Variants in MTIF2 observed in about 807,000 individuals in gnomAD.
The protein encoded by MTIF2 is translation initiation factor IF-2, mitochondrial.
Under a neutral mutation model 83.5 loss-of-function variants are expected in MTIF2, and 71 were observed. The ratio of observed to expected loss-of-function variants is 0.85; its 90% CI spans 0.70 to 1.04. The LOEUF is 1.04. Among genes scored for constraint, MTIF2 ranks in the 50% least tolerant of loss-of-function variants. The pLI is 0.00. For missense variants in MTIF2, 957 were observed against 846.5 expected, an observed-to-expected ratio of 1.13 and a Z score of -1.62; for synonymous variants, 319 against 287.1, an observed-to-expected ratio of 1.11 and a Z score of -1.12.
intron 5 of MTIF2, among the ~76,000 whole-genome samples, chr2:55,255,891 T>C (rs572239914): frequency 1.7e-4 from 23 of 131,524 alleles, no homozygotes; most frequent in African/African-American, 1.0e-3. Context: ...TCTCTTTTTT[T>C]TTGGGACAGA....
intron 5 of MTIF2, among the ~76,000 whole-genome samples, chr2:55,261,251 G>A (rs1007762336): frequency 4.6e-5 from 7 of 152,248 alleles, no homozygotes; most frequent in Middle Eastern, 6.8e-3. Context: ...AATTACAGGC[G>A]TGAGCCACCG....
chr2:55,240,476 G>C (rs993134397), intron 13 of MTIF2, among the ~76,000 whole-genome samples: 4 of 152,202 alleles, frequency 2.6e-5, no homozygotes, highest in African/African-American at 9.6e-5. Context: ...CTACTCAGGA[G>C]GCCGAGACAG....
chr2:55,255,349 T>C (rs1046482178), intron 5 of MTIF2, among the ~76,000 whole-genome samples: 1 of 148,484 alleles, frequency 6.7e-6, no homozygotes, highest in African/African-American at 2.5e-5. Context: ...ATAATTTTGT[T>C]TTATGCATTT....
chr2:55,237,909 T>C (rs932733206), intron 14 of MTIF2, among the ~76,000 whole-genome samples: 1 of 152,012 alleles, frequency 6.6e-6, no homozygotes, highest in Admixed American at 6.6e-5. Flanking sequence ...CCTCAGACTC[T>C]CAAAGTGCTG....
intron 13 of MTIF2, 96 bp from the exon 14 acceptor site, chr2:55,240,271 A>AT: frequency 8.4e-7 from 1 of 1,188,898 alleles, no homozygotes; most frequent in East Asian, 2.5e-5. Context: ...AAATTGTTTT[A>AT]TTTTCTAAAT....
chr2:55,263,924 G>T, intron 3 of MTIF2, 59 bp from the exon 4 acceptor site: 2 of 1,294,798 alleles, frequency 1.5e-6, no homozygotes, highest in South Asian at 1.2e-5. Context: ...AATATTAATT[G>T]GATATTTACT....
chr2:55,247,515 G>T (rs1282281621), intron 9 of MTIF2, among the ~76,000 whole-genome samples: 4 of 152,090 alleles, frequency 2.6e-5, no homozygotes, highest in Non-Finnish European at 5.9e-5. Flanking sequence ...TCATGCCACT[G>T]CTCTCCAGCC....
At position 55,263,755 on chromosome 2, in the gene MTIF2, T is replaced by C; in HGVS notation, c.104A>G (p.His35Arg). 1 of 1,614,172 alleles carries C rather than the reference T, an allele frequency of 6.2e-7. No homozygotes were observed. The highest frequency in any genetic ancestry group is 8.5e-7 in the Non-Finnish European group (1 of 1,180,026). The part of the protein sequence containing the change: ...CQRRALRQWR[H>R]GFSSAYPVWT... ...CACAGGGTAAGCAGATGAAAACCCATGCCTCCACTGTCTTAATGCTCTTCT... is the reference window on the plus strand; with the variant it reads ...CACAGGGTAAGCAGATGAAAACCCACGCCTCCACTGTCTTAATGCTCTTCT... The change falls in exon 4 of 16, where the codon CAT (histidine) becomes CGT (arginine). Residue 35 changes from histidine to arginine, a missense_variant. Coordinates refer to ENST00000263629, the MANE Select transcript of MTIF2 (RefSeq NM_002453.3).
intron 8 of MTIF2, among the ~76,000 whole-genome samples, chr2:55,251,622 G>A (rs181407879): frequency 1.1e-4 from 16 of 152,160 alleles, no homozygotes; most frequent in Admixed American, 5.9e-4. Flanking sequence ...TCAATATACC[G>A]AATGTGTAAC....
At chr2:55,241,139 C>T (rs543102547) in intron 13 of MTIF2, among the ~76,000 whole-genome samples, 73 of 151,590 alleles carry the variant, frequency 4.8e-4, no homozygotes, top group African/African-American at 1.5e-3. Context: ...TTAACCTGGA[C>T]GGGCACGGTG....
chr2:55,256,658 G>A (rs978086147), intron 5 of MTIF2, among the ~76,000 whole-genome samples: 4 of 149,510 alleles, frequency 2.7e-5, no homozygotes, highest in Non-Finnish European at 4.4e-5. Flanking sequence ...CCGAGATCAC[G>A]CCACTGCGCT....
At chr2:55,256,276 T>C (rs1005389655) in intron 5 of MTIF2, among the ~76,000 whole-genome samples, 1 of 142,528 alleles carries the variant, frequency 7.0e-6, no homozygotes, top group East Asian at 2.1e-4. Context: ...TGAGAACTGA[T>C]AGTATGTACA....
intron 9 of MTIF2, among the ~76,000 whole-genome samples, chr2:55,249,045 G>C (rs576323732): frequency 6.6e-6 from 1 of 152,148 alleles, no homozygotes; most frequent in Non-Finnish European, 1.5e-5. Context: ...AGGCTGAGGT[G>C]GGAGGACAAC....
chr2:55,262,225 T>C (rs1189011587), intron 5 of MTIF2, 91 bp downstream of exon 5: 1 of 877,342 alleles, frequency 1.1e-6, no homozygotes, highest in Non-Finnish European at 1.9e-6. Context: ...CAGTCTAGTT[T>C]TTAATCTTTC....
chr2:55,248,586 G>C (rs1420309159), intron 9 of MTIF2, among the ~76,000 whole-genome samples: 1 of 152,196 alleles, frequency 6.6e-6, no homozygotes, highest in African/African-American at 2.4e-5. Flanking sequence ...AGTTTCCTTG[G>C]TGTTTATATT....
At position 55,237,359 on chromosome 2, in the gene MTIF2, C is replaced by T. The variant is rs754327579; in HGVS notation, c.1940G>A (p.Arg647Lys). Residue 647 changes from arginine to lysine, a missense_variant, in exon 15 of 16, where the codon AGA becomes AAA. Physicochemically the swap from Arg to Lys is conservative, Grantham distance 26. Around this residue, in one of 3 missense-constraint regions of MTIF2, gnomAD observed 221 missense variants for 180.6 expected, o/e 1.22. Coordinates refer to ENST00000263629, the MANE Select transcript of MTIF2 (RefSeq NM_002453.3). ...GKKKVPVAGC[R>K]VQKGQLEKQK... ...TTTTTCTAACTGTCCCTTTTGGACT[C>T]TGCAGCCAGCCACAGGAACTTTTTT... is the stretch of plus-strand genomic sequence containing the variant. 13 of 1,612,900 alleles carry T rather than the reference C, an allele frequency of 8.1e-6. No individual in the cohort carries two copies. The African/African-American group carries it at 1.6e-4, about 20-fold the overall frequency.
Position 55,244,090 on chromosome 2 carries a change from C to A in MTIF2, c.1250G>T (p.Gly417Val). 1 of 1,614,100 alleles carries A rather than the reference C, an allele frequency of 6.2e-7. No homozygotes were observed. Among genetic ancestry groups the A allele is most frequent in the Non-Finnish European group, 8.5e-7 (1 of 1,180,002 alleles). The change falls in exon 11 of 16, where the codon GGA becomes GTA. Residue 417 changes from glycine (G) to valine (V), a missense_variant. Physicochemically the swap from Gly to Val is moderately radical, Grantham distance 109. Coordinates refer to ENST00000263629, the MANE Select transcript of MTIF2 (RefSeq NM_002453.3). ...IDEAYPSMPV[G>V]ITGWRDLPSA... is the part of the protein sequence containing the mutation. ...AGGAAGGTCTCTCCAGCCTGTAATT[C>A]CCACTGGCATGCTGGGATAGGCCTC...
chr2:55,243,438 A>C lies in MTIF2; in HGVS notation c.1542T>G (p.Asn514Lys), dbSNP rs748892975. 2 of 1,608,330 alleles carry C rather than the reference A, an allele frequency of 1.2e-6. No individual in the cohort carries two copies. Among genetic ancestry groups the C allele is most frequent in the East Asian group, 4.5e-5 (2 of 44,828 alleles). ...KPKEKRERDS[N>K]VLSVIIKGDV... ...TACCTTTAATAATCACAGAAAGTAC[A>C]TTTGAATCTCTTTCCCTTTTCTCTT... The change falls in exon 12 of 16, where the codon AAT becomes AAG. Residue 514 changes from asparagine (N) to lysine (K), a missense_variant. Around this residue, in one of 3 missense-constraint regions of MTIF2, gnomAD observed 733 missense variants for 648.7 expected, o/e 1.13. Transcript: ENST00000263629.
intron 3 of MTIF2, among the ~76,000 whole-genome samples, chr2:55,267,061 C>T (rs112089879): frequency 0.093 from 14,194 of 151,870 alleles, 1,163 homozygotes; most frequent in African/African-American, 0.21. Flanking sequence ...TGAGCCACCA[C>T]GCCTAGCCTA....
Sources: gnomAD v4.1 joint callset for allele counts (sites outside exome capture counted in the v4.1 genomes callset) on GRCh38, gnomAD v4.1.1 for gene constraint, gnomAD v4.1.1 regional missense constraint, MANE v1.5 for transcripts, NCBI Gene and HGNC (gene_info 2026-07-23, HGNC 2026-07-21) for gene names.